Variants in KDM4B observed in about 807,000 individuals in gnomAD.
The protein encoded by KDM4B is lysine-specific demethylase 4B.
Under a neutral mutation model 125.2 loss-of-function variants are expected in KDM4B, and 32 were observed. The observed-to-expected ratio is 0.26, with a 90% CI of 0.19 to 0.34. KDM4B has a LOEUF of 0.34. Among genes scored for constraint, KDM4B ranks in the 10% least tolerant of loss-of-function variants. The probability of loss-of-function intolerance (pLI) is 1.00; values close to 1 mark genes in which losing one functional copy is unlikely to be tolerated. For synonymous variants in KDM4B, 721 were observed against 677.9 expected, an observed-to-expected ratio of 1.06 and a Z score of -0.99; for missense variants, 1,190 against 1,577.7, an observed-to-expected ratio of 0.75 and a Z score of 4.16.
At chr19:5,072,846 C>T (rs1024220369) in intron 7 of KDM4B, among the ~76,000 whole-genome samples, 1 of 152,092 alleles carries the variant, frequency 6.6e-6, no homozygotes, top group Non-Finnish European at 1.5e-5. Context: ...ACCCACTTCC[C>T]GCCTTTTCCA....
At chr19:5,033,138 G>T (rs149492454) in intron 3 of KDM4B, 107 bp downstream of exon 3, 2 of 1,329,728 alleles carry the variant, frequency 1.5e-6, no homozygotes, top group East Asian at 4.7e-5. Flanking sequence ...GCCTGTGCAC[G>T]TGGAATGTGT....
At chr19:5,010,194 A>G (rs2035684524) in intron 1 of KDM4B, among the ~76,000 whole-genome samples, 1 of 152,196 alleles carries the variant, frequency 6.6e-6, no homozygotes, top group African/African-American at 2.4e-5. Flanking sequence ...GGCACTTCCA[A>G]AGAGCACCAG....
intron 9 of KDM4B, among the ~76,000 whole-genome samples, chr19:5,092,856 T>A (rs561585038): frequency 1.2e-4 from 18 of 152,264 alleles, no homozygotes; most frequent in African/African-American, 4.1e-4. Flanking sequence ...TCAGCCGTCG[T>A]GGATGAGTCG....
intron 1 of KDM4B, among the ~76,000 whole-genome samples, chr19:4,973,756 A>G (rs1022673739): frequency 1.3e-5 from 2 of 151,548 alleles, no homozygotes; most frequent in South Asian, 2.1e-4. Context: ...GGCGGGGAAC[A>G]TGGGAAGTCT....
At chr19:5,108,275 G>A (rs1568302243) in intron 9 of KDM4B, among the ~76,000 whole-genome samples, 1 of 152,216 alleles carries the variant, frequency 6.6e-6, no homozygotes, top group Non-Finnish European at 1.5e-5. Context: ...TGAAACGCCG[G>A]CACCATCTGT....
chr19:5,105,207 G>A (rs913768005), intron 9 of KDM4B, among the ~76,000 whole-genome samples: 6 of 152,238 alleles, frequency 3.9e-5, no homozygotes, highest in Admixed American at 2.6e-4. Flanking sequence ...GCCTGGAGCC[G>A]GACTGCTTCC....
At chr19:5,022,272 G>A (rs981547267) in intron 2 of KDM4B, among the ~76,000 whole-genome samples, 2 of 152,130 alleles carry the variant, frequency 1.3e-5, no homozygotes, top group Non-Finnish European at 2.9e-5. Flanking sequence ...GGGATCAGTG[G>A]TAGGGCCAGG....
At chr19:4,978,537 A>G (rs1041268159) in intron 1 of KDM4B, among the ~76,000 whole-genome samples, 4 of 134,324 alleles carry the variant, frequency 3.0e-5, no homozygotes, top group Admixed American at 7.9e-5. Flanking sequence ...AAAAAAAAAA[A>G]GAACATAAGG....
At chr19:5,090,931 A>G (rs1019824365) in intron 9 of KDM4B, among the ~76,000 whole-genome samples, 1 of 151,962 alleles carries the variant, frequency 6.6e-6, no homozygotes, top group African/African-American at 2.4e-5. Flanking sequence ...CGGTGGGGGC[A>G]GCTGGAGGGG....
chr19:5,088,720 G>A (rs1461247618), intron 9 of KDM4B, among the ~76,000 whole-genome samples: 1 of 150,154 alleles, frequency 6.7e-6, no homozygotes, highest in Non-Finnish European at 1.5e-5. Flanking sequence ...GACAGTGGGA[G>A]ATTTTGACAT....
At chr19:4,973,591 G>C (rs1428982084) in intron 1 of KDM4B, among the ~76,000 whole-genome samples, 1 of 152,136 alleles carries the variant, frequency 6.6e-6, no homozygotes, top group Non-Finnish European at 1.5e-5. Context: ...GGAGTGGATT[G>C]ACGAATTGAT....
At position 5,062,434 on chromosome 19, in the gene KDM4B, A is replaced by G. The variant is rs113717970; in HGVS notation, c.627-8576A>G. ...CCTGCCCTTCCTCCCGTCCGTCCCC[A>G]TGCGCTGTTGCAGGGGTGTGGAGGG... On this transcript the variant is annotated intron_variant, in intron 6 of 22. Transcript: ENST00000159111. Among the ~76,000 whole-genome samples, 245 of 152,298 alleles carry G rather than the reference A, an allele frequency of 1.6e-3. 2 individuals are homozygous for G. Among genetic ancestry groups the G allele is most frequent in the African/African-American group, 5.4e-3 (225 of 41,568 alleles).
chr19:5,119,027 A>C (rs2039309028), intron 10 of KDM4B: 2 of 712,122 alleles, frequency 2.8e-6, no homozygotes, highest in Admixed American at 4.6e-5. Flanking sequence ...GGACCCAGGG[A>C]GTTGGGGACA....
At chr19:5,088,675 C>A (rs955430164) in intron 9 of KDM4B, among the ~76,000 whole-genome samples, 1 of 146,460 alleles carries the variant, frequency 6.8e-6, no homozygotes, top group Non-Finnish European at 1.5e-5. Context: ...TCCCCCCCCC[C>A]GCAAAAGAGC....
At chr19:5,069,850 G>A (rs1030805719) in intron 6 of KDM4B, among the ~76,000 whole-genome samples, 8 of 151,170 alleles carry the variant, frequency 5.3e-5, no homozygotes. Flanking sequence ...CAGGTGATCT[G>A]CCCGCCTCAG....
chr19:5,077,516 G>A (rs1024455126), intron 8 of KDM4B, 46 bp downstream of exon 8: 17 of 1,534,180 alleles, frequency 1.1e-5, no homozygotes, highest in Admixed American at 1.0e-4. Context: ...AGTGGGTACC[G>A]GGTCCAAGCC....
chr19:5,018,081 C>T (rs551791597), intron 2 of KDM4B, among the ~76,000 whole-genome samples: 6 of 152,258 alleles, frequency 3.9e-5, no homozygotes, highest in African/African-American at 1.4e-4. Context: ...CTCTGTCACC[C>T]AGGCTGGAGT....
At chr19:5,045,005 GACCCT>G (rs2036979583) in intron 5 of KDM4B, among the ~76,000 whole-genome samples, 1 of 152,178 alleles carries the variant, frequency 6.6e-6, no homozygotes. Context: ...CCTATTAAAG[GACCCT>G]TCCAAGTTTG....
At chr19:5,092,958 C>T (rs1392243547) in intron 9 of KDM4B, among the ~76,000 whole-genome samples, 2 of 152,206 alleles carry the variant, frequency 1.3e-5, no homozygotes, top group African/African-American at 4.8e-5. Flanking sequence ...ACCACATGTC[C>T]TCTCCCCACC....
Sources: allele counts gnomAD v4.1 joint callset (sites outside exome capture counted in the v4.1 genomes callset), GRCh38; gene constraint gnomAD v4.1.1; transcripts MANE v1.5; gene names NCBI Gene and HGNC (gene_info 2026-07-23, HGNC 2026-07-21).